EXT1: variants seen among roughly 807,000 people sequenced by gnomAD.
EXT1 encodes exostosin glycosyltransferase 1.
EXT1 carries 20 observed loss-of-function variants against 82.5 expected under a neutral mutation model. The ratio of observed to expected loss-of-function variants is 0.24; its 90% CI spans 0.17 to 0.35. The LOEUF (loss-of-function observed/expected upper bound fraction) is 0.35. EXT1 is among the 10% of genes least tolerant of loss of function. EXT1 has a pLI of 1.00. For synonymous variants in EXT1, 348 were observed against 350.8 expected (o/e 0.99, Z 0.09); for missense variants, 757 against 936.5 (o/e 0.81, Z 2.50).
At chr8:117,983,707 C>T (rs1235000954) in intron 1 of EXT1, among the ~76,000 whole-genome samples, 1 of 152,100 alleles carries the variant, frequency 6.6e-6, no homozygotes, top group Non-Finnish European at 1.5e-5. Flanking sequence ...TTAGGGGAAT[C>T]TAATGAATTA....
intron 1 of EXT1, among the ~76,000 whole-genome samples, chr8:117,881,429 C>A (rs774149570): frequency 5.3e-5 from 8 of 152,148 alleles, no homozygotes; most frequent in Non-Finnish European, 5.9e-5. Context: ...ATAAATGACT[C>A]CTGGTTTTTA....
rs563274083 is a variant in EXT1, at chr8:118,037,847, T to G, written c.962+72238A>C. On this transcript the variant is annotated intron_variant, in intron 1 of 10. Transcript: ENST00000378204. ...CAAGAGTGTTTTTTGTTTTTTTTTT[T>G]TTTTTTTTTTGAGATGGAGTTTCAC... 5.1e-4 allele frequency among the ~76,000 whole-genome samples: 75 copies of G among 148,128 alleles called. 1 individual carries two copies. Among genetic ancestry groups the G allele is most frequent in the Middle Eastern group, 3.4e-3 (1 of 290 alleles).
intron 4 of EXT1, among the ~76,000 whole-genome samples, chr8:117,828,358 T>C (rs1812041443): frequency 6.6e-6 from 1 of 152,150 alleles, no homozygotes; most frequent in African/African-American, 2.4e-5. Context: ...AAGACCACTC[T>C]GGGCAACATA....
chr8:117,861,670 T>C lies in EXT1; in HGVS notation c.963-24469A>G, dbSNP rs760692218. 4.3e-4 allele frequency among the ~76,000 whole-genome samples: 61 copies of C among 142,580 alleles called. 8 individuals carry two copies. Among genetic ancestry groups the C allele is most frequent in the Non-Finnish European group, 8.5e-4 (54 of 63,556 alleles). The allele number at this position is 142,580 out of a possible 152,430, so 93.5% of individuals were successfully genotyped here. On this transcript the variant is annotated intron_variant, in intron 1 of 10. Transcript: ENST00000378204. The stretch of plus-strand genomic sequence containing the variant: ...CCACCACACCCAGCTAATTTTTGTA[T>C]TTTTTAGTAGAGATGGGGTTTTACC...
In EXT1 at chr8:117,830,364, G is replaced by A. The variant is rs1160124818; in HGVS notation, c.1165-15C>T. The A allele has an allele frequency of 5.6e-6, 9 of 1,613,272 alleles. No individual in the cohort carries two copies. The highest frequency in any genetic ancestry group is 7.6e-6 in the Non-Finnish European group (9 of 1,179,760). On this transcript the variant is annotated splice_polypyrimidine_tract_variant and intron_variant, in intron 3 of 10. Coordinates refer to ENST00000378204, the MANE Select transcript of EXT1 (RefSeq NM_000127.3). Reference sequence around the variant, plus strand: ...GTAGAAGGAATCTGTAACACAAGGTGAACACATAGGAATTATAACTGTAAA... The same window carrying A: ...GTAGAAGGAATCTGTAACACAAGGTAAACACATAGGAATTATAACTGTAAA...
At chr8:118,101,655 G>A (rs904017858) in intron 1 of EXT1, among the ~76,000 whole-genome samples, 1 of 152,210 alleles carries the variant, frequency 6.6e-6, no homozygotes. Context: ...AAGAGACCAG[G>A]GAGGATTTTG....
chr8:117,969,947 A>C (rs1814904931), intron 1 of EXT1, among the ~76,000 whole-genome samples: 1 of 152,226 alleles, frequency 6.6e-6, no homozygotes, highest in South Asian at 2.1e-4. Flanking sequence ...AAAGATTAGA[A>C]GCAGCCAGCT....
intron 1 of EXT1, among the ~76,000 whole-genome samples, chr8:117,951,566 A>T (rs1220781504): frequency 1.3e-5 from 2 of 152,234 alleles, no homozygotes; most frequent in Non-Finnish European, 2.9e-5. Flanking sequence ...GCCTATGGAA[A>T]AAGACAAATA....
chr8:118,033,715 A>G (rs1008067242), intron 1 of EXT1, among the ~76,000 whole-genome samples: 6 of 152,186 alleles, frequency 3.9e-5, no homozygotes, highest in Non-Finnish European at 2.9e-5. Flanking sequence ...CCTGGGCTCA[A>G]GCAATCCTTC....
At chr8:117,944,604 A>G (rs1436451332) in intron 1 of EXT1, among the ~76,000 whole-genome samples, 1 of 152,228 alleles carries the variant, frequency 6.6e-6, no homozygotes, top group Non-Finnish European at 1.5e-5. Flanking sequence ...ACAGAAGACT[A>G]TGTAGGCATG....
intron 1 of EXT1, among the ~76,000 whole-genome samples, chr8:117,889,755 G>A (rs1250836205): frequency 1.3e-5 from 2 of 152,072 alleles, no homozygotes; most frequent in African/African-American, 4.8e-5. Context: ...TGCATACAAT[G>A]GCACTATATT....
chr8:118,041,123 A>G (rs1364247007), intron 1 of EXT1, among the ~76,000 whole-genome samples: 1 of 152,266 alleles, frequency 6.6e-6, no homozygotes, highest in Non-Finnish European at 1.5e-5. Context: ...GAGAATGACC[A>G]GAAGGATCTA....
intron 1 of EXT1, among the ~76,000 whole-genome samples, chr8:118,058,043 A>G (rs1816824074): frequency 6.6e-6 from 1 of 151,970 alleles, no homozygotes; most frequent in Non-Finnish European, 1.5e-5. Context: ...AACCACTGTC[A>G]CTACCTGGGA....
chr8:117,819,970 C>T (rs1811896374), intron 5 of EXT1, among the ~76,000 whole-genome samples, 176 bp from the exon 6 acceptor site: 1 of 152,218 alleles, frequency 6.6e-6, no homozygotes, highest in Non-Finnish European at 1.5e-5. Context: ...TGGTTAGCTA[C>T]TGCCTGAGTC....
chr8:117,944,528 G>A (rs1040143804), intron 1 of EXT1, among the ~76,000 whole-genome samples: 5 of 152,320 alleles, frequency 3.3e-5, no homozygotes, highest in Middle Eastern at 3.4e-3. Context: ...GTTTCTGACT[G>A]ATGAATGTGA....
At chr8:117,838,808 A>C (rs1223273959) in intron 1 of EXT1, among the ~76,000 whole-genome samples, 1 of 152,142 alleles carries the variant, frequency 6.6e-6, no homozygotes, top group Non-Finnish European at 1.5e-5. Context: ...AAATATATGC[A>C]TAAAGTTTAA....
intron 1 of EXT1, among the ~76,000 whole-genome samples, chr8:118,089,024 G>A (rs747129418): frequency 1.2e-4 from 19 of 152,222 alleles, no homozygotes; most frequent in African/African-American, 4.1e-4. Context: ...TCTTTTACAC[G>A]AGACTGATCA....
intron 1 of EXT1, among the ~76,000 whole-genome samples, chr8:118,021,523 C>T (rs557679256): frequency 6.6e-6 from 1 of 152,206 alleles, no homozygotes; most frequent in Admixed American, 6.5e-5. Context: ...ATGAACACTT[C>T]TGGAAGACGG....
rs555499348 is a variant in EXT1, at chr8:117,814,440, C to T, written c.1633-1479G>A. ...ATTTACTGTGTGCCAGGATATGTTGCAAGTCCTTCATATATATCATCGTGT... is the reference window on the plus strand; with the variant it reads ...ATTTACTGTGTGCCAGGATATGTTGTAAGTCCTTCATATATATCATCGTGT... On this transcript the variant is annotated intron_variant, in intron 7 of 10. Transcript: ENST00000378204. Among the ~76,000 whole-genome samples, 8 of 152,190 alleles carry T rather than the reference C, an allele frequency of 5.3e-5. No homozygotes were observed. The East Asian group carries it at 1.5e-3, about 29-fold the overall frequency.
Sources: allele counts gnomAD v4.1 joint callset (sites outside exome capture counted in the v4.1 genomes callset), GRCh38; gene constraint gnomAD v4.1.1; transcripts MANE v1.5; gene names NCBI Gene and HGNC (gene_info 2026-07-23, HGNC 2026-07-21).